LETM2: variants seen among roughly 807,000 people sequenced by gnomAD.
LETM2 encodes the protein leucine zipper and EF-hand containing transmembrane protein 2.
A neutral mutation model predicts 59.6 loss-of-function variants in LETM2; 58 were observed. That is an observed-to-expected ratio of 0.97 (90% confidence interval 0.79 to 1.21). The LOEUF (loss-of-function observed/expected upper bound fraction) is 1.21. LETM2 is among the 50% of genes most tolerant of loss of function. LETM2 has a pLI of 0.00. For missense variants in LETM2, 572 were observed against 575.7 expected (o/e 0.99, Z 0.07); for synonymous variants, 199 against 214.1 (o/e 0.93, Z 0.62).
At chr8:38,391,229 G>A (rs1279576143) in intron 2 of LETM2, among the ~76,000 whole-genome samples, 2 of 144,162 alleles carry the variant, frequency 1.4e-5, no homozygotes, top group African/African-American at 5.1e-5. Flanking sequence ...CTGAAAGAAT[G>A]GAAAAAGACA....
chr8:38,404,764 G>C (rs557080295), intron 8 of LETM2: 2 of 373,408 alleles, frequency 5.4e-6, no homozygotes, highest in Non-Finnish European at 5.0e-6. Flanking sequence ...TGGATCACCT[G>C]AGGTCAGGAG....
chr8:38,399,777 CAAA>C (rs10683906), intron 4 of LETM2, among the ~76,000 whole-genome samples: 5 of 85,314 alleles, frequency 5.9e-5, no homozygotes, highest in Non-Finnish European at 2.3e-5. Flanking sequence ...AACTCCATCT[CAAA>C]AAAAAAAAAA....
chr8:38,408,103 ATTTGAC>A, intron 10 of LETM2, 103 bp from the exon 11 acceptor site: 1 of 755,166 alleles, frequency 1.3e-6, no homozygotes, highest in Non-Finnish European at 2.2e-6. Flanking sequence ...ATAATCTCAG[ATTTGAC>A]TTTGTGGTCA....
Position 38,406,978 on chromosome 8 carries a change from T to C in LETM2, c.1251T>C (p.Pro417=), listed in dbSNP as rs1813772135. 1 of 1,611,700 alleles carries C rather than the reference T, an allele frequency of 6.2e-7. No homozygotes were observed. Among genetic ancestry groups the C allele is most frequent in the Non-Finnish European group, 8.5e-7 (1 of 1,177,804 alleles). The part of the protein sequence containing the change: ...APKTDILVEL[P]TFTESKENMV... ...AGACTGATATTCTTGTGGAATTACC[T>C]ACTTTCACTGAATCTAAAGAGAACA... Residue 417 remains proline (P), a synonymous_variant, in exon 9 of 11, where the codon CCT becomes CCC. Transcript: ENST00000379957.
intron 7 of LETM2, 109 bp downstream of exon 7, chr8:38,402,753 G>T: frequency 8.3e-7 from 1 of 1,201,132 alleles, no homozygotes; most frequent in Non-Finnish European, 1.2e-6. Context: ...TACTTAATTT[G>T]CCTTATTTCA....
Position 38,400,297 on chromosome 8 carries a change from C to A in LETM2, c.671C>A (p.Ala224Asp), listed in dbSNP as rs759132231. The stretch of plus-strand genomic sequence containing the variant: ...GAAGAAAAACAGAAAAAGAAAATGG[C>A]TGTAAAGTTGGAACTAGCAAAATTT... ...KKEEKQKKKMAVKLELAKFLQ... is the reference protein window; with the variant it reads ...KKEEKQKKKMDVKLELAKFLQ... The change falls in exon 5 of 11, where the codon GCT becomes GAT. Residue 224 changes from alanine to aspartate, a missense_variant. Coordinates refer to ENST00000379957, the MANE Select transcript of LETM2 (RefSeq NM_001286819.2). 1 of 1,611,472 alleles carries A rather than the reference C, an allele frequency of 6.2e-7. No individual in the cohort carries two copies. Among genetic ancestry groups the A allele is most frequent in the South Asian group, 1.1e-5 (1 of 90,378 alleles).
upstream of LETM2, among the ~76,000 whole-genome samples, chr8:38,385,901 A>G (rs1364671662): frequency 6.6e-6 from 1 of 152,232 alleles, no homozygotes; most frequent in African/African-American, 2.4e-5. Flanking sequence ...AGATTTCTAT[A>G]CAAATTATTA....
In LETM2 at chr8:38,407,440, C is replaced by T. The variant is rs1471580638; in HGVS notation, c.1390C>T (p.Pro464Ser). Residue 464 changes from proline to serine, a missense_variant, in exon 10 of 11, where the codon CCC (proline) becomes TCC (serine). Pro to Ser is a moderately conservative substitution (Grantham distance 74, BLOSUM62 -1). Transcript: ENST00000379957. ...AACACCTATTTCATTACCTAAAGGA[C>T]CCATCACTTCTTCTGAAGAACCTGT... ...PSTPISLPKG[P>S]ITSSEEPTLQ... 1 of 1,607,176 alleles carries T rather than the reference C, an allele frequency of 6.2e-7. No individual in the cohort carries two copies. Among genetic ancestry groups the T allele is most frequent in the African/African-American group, 1.3e-5 (1 of 74,804 alleles).
chr8:38,391,199 C>A (rs149446229), intron 2 of LETM2, among the ~76,000 whole-genome samples: 3,543 of 94,214 alleles, frequency 0.038, 3 homozygotes, highest in South Asian at 0.051. Context: ...AAAAAAAAAA[C>A]AAAAAAAAAA....
At position 38,404,560 on chromosome 8, in the gene LETM2, C is replaced by T. The variant is rs184703572; in HGVS notation, c.1218+54C>T. The T allele has an allele frequency of 3.5e-4, 373 of 1,073,952 alleles. 2 individuals carry two copies. The African/African-American group carries it at 4.8e-3, about 14-fold the overall frequency. 66.5% of individuals were successfully genotyped at this position (1,073,952 alleles called of 1,614,324 possible). On this transcript the variant is annotated intron_variant, in intron 8 of 10. Coordinates refer to ENST00000379957, the MANE Select transcript of LETM2 (RefSeq NM_001286819.2). ...GACGTCCATCCAACTGAGGCCTCTC[C>T]ACAAACACTTGGTGTACTCTTGCAG...
At chr8:38,399,581 C>T (rs953178968) in intron 4 of LETM2, among the ~76,000 whole-genome samples, 11 of 151,958 alleles carry the variant, frequency 7.2e-5, no homozygotes, top group African/African-American at 2.7e-4. Flanking sequence ...AGTTCAAGAC[C>T]AGCCTGGCCA....
At chr8:38,404,849 G>A (rs572480948) in intron 8 of LETM2, 29 of 200,816 alleles carry the variant, frequency 1.4e-4, no homozygotes, top group South Asian at 8.2e-4. Flanking sequence ...GCGTGGTGGC[G>A]GGCGCCTGTA....
intron 2 of LETM2, 115 bp downstream of exon 2, chr8:38,388,145 A>G: frequency 1.4e-6 from 1 of 704,762 alleles, no homozygotes. Flanking sequence ...CAATGGTGCA[A>G]TCTCGGCTCA....
chr8:38,406,744 T>C (rs1813751115), intron 8 of LETM2: 1 of 467,872 alleles, frequency 2.1e-6, no homozygotes, highest in South Asian at 4.7e-5. Flanking sequence ...TATAAAGTAC[T>C]CAAAACTCAA....
At chr8:38,394,518 G>A (rs1812536720) in intron 4 of LETM2, 1 of 257,700 alleles carries the variant, frequency 3.9e-6, no homozygotes, top group Non-Finnish European at 7.3e-6. Flanking sequence ...CACCATCACA[G>A]TATCATACAA....
chr8:38,406,923 A>G (rs1355105425), intron 8 of LETM2, 23 bp from the exon 9 acceptor site: 3 of 1,492,450 alleles, frequency 2.0e-6, no homozygotes, highest in Non-Finnish European at 2.8e-6. Flanking sequence ...AGCTTATGAT[A>G]CATAAAATGT....
upstream of LETM2, among the ~76,000 whole-genome samples, chr8:38,385,978 A>G (rs1261152708): frequency 2.0e-5 from 3 of 152,266 alleles, no homozygotes; most frequent in South Asian, 2.1e-4. Context: ...ACAGATTTCC[A>G]TATGAAGATT....
rs1431534064 is a variant in LETM2 at position 38,408,955 on chromosome 8, T to C, written c.*681T>C. The C allele has an allele frequency of 6.6e-6, 1 of 152,294 alleles. No individual in the cohort carries two copies. The highest frequency in any genetic ancestry group is 1.5e-5 in the Non-Finnish European group (1 of 68,086). 9.4% of individuals were successfully genotyped at this position (152,294 alleles called of 1,614,324 possible). On this transcript the variant is annotated 3_prime_UTR_variant, in exon 11 of 11. Transcript: ENST00000379957. ...ATATGGCTTTCATTAGCCACCATTTTGCTAGGAAGCATAATTAAGGGTTTA... is the reference window on the plus strand; with the variant it reads ...ATATGGCTTTCATTAGCCACCATTTCGCTAGGAAGCATAATTAAGGGTTTA...
At chr8:38,383,194 G>A (rs1429075506), upstream of LETM2, 1 of 152,316 alleles carries the variant, frequency 6.6e-6, no homozygotes, top group Non-Finnish European at 1.5e-5. Flanking sequence ...AAGAACGAGA[G>A]GAAGAACCGG....
Sources: allele counts gnomAD v4.1 joint callset (sites outside exome capture counted in the v4.1 genomes callset), GRCh38; gene constraint gnomAD v4.1.1; transcripts MANE v1.5; gene names NCBI Gene and HGNC (gene_info 2026-07-23, HGNC 2026-07-21).